Variants in HPSE2 observed in about 807,000 individuals in gnomAD.
HPSE2 encodes the protein inactive heparanase-2.
In HPSE2, 38 loss-of-function variants were observed where a neutral mutation model predicts 60.5. The observed-to-expected ratio is 0.63, with a 90% confidence interval of 0.48 to 0.82. The LOEUF (loss-of-function observed/expected upper bound fraction) is 0.82. HPSE2 is among the 40% of genes least tolerant of loss of function. The probability of loss-of-function intolerance (pLI) is 0.00; values close to 1 mark genes in which losing one functional copy is unlikely to be tolerated. For synonymous variants in HPSE2, 295 were observed against 293.2 expected (o/e 1.01, Z -0.06); for missense variants, 713 against 740.4 (o/e 0.96, Z 0.43).
intron 3 of HPSE2, among the ~76,000 whole-genome samples, chr10:99,036,339 G>A (rs1164314371): frequency 6.6e-6 from 1 of 152,152 alleles, no homozygotes; most frequent in Non-Finnish European, 1.5e-5. Context: ...GATGAGCCTG[G>A]AGCATCTTGT....
chr10:98,696,681 G>A (rs1267718914), intron 5 of HPSE2, among the ~76,000 whole-genome samples: 1 of 152,218 alleles, frequency 6.6e-6, no homozygotes, highest in Non-Finnish European at 1.5e-5. Context: ...GAGGAGGGGT[G>A]ACCAGCACCA....
At chr10:98,682,808 G>A (rs1371148900) in intron 6 of HPSE2, among the ~76,000 whole-genome samples, 1 of 152,100 alleles carries the variant, frequency 6.6e-6, no homozygotes, top group Non-Finnish European at 1.5e-5. Context: ...TTTAAAGAGT[G>A]AAAAGGGTCC....
Position 98,934,265 on chromosome 10 carries a change from C to G in HPSE2, c.611-190209G>C, listed in dbSNP as rs1022784752. On this transcript the variant is annotated intron_variant, in intron 3 of 11. Coordinates refer to ENST00000370552, the MANE Select transcript of HPSE2 (RefSeq NM_021828.5). The stretch of plus-strand genomic sequence containing the variant: ...TGTGTCTTTTAATCAGGGCATTTTG[C>G]CCATTTACATTTAAGGTTAATATTG... 9.0e-5 allele frequency among the ~76,000 whole-genome samples: 13 copies of G among 144,084 alleles called. 2 individuals are homozygous for G. Among genetic ancestry groups the G allele is most frequent in the African/African-American group, 3.7e-4 (13 of 35,420 alleles). 94.5% of individuals were successfully genotyped at this position (144,084 alleles called of 152,430 possible).
At chr10:98,505,412 T>C (rs1188954791) in intron 9 of HPSE2, among the ~76,000 whole-genome samples, 1 of 152,302 alleles carries the variant, frequency 6.6e-6, no homozygotes, top group East Asian at 1.9e-4. Context: ...AATTGCTGTG[T>C]CATATACAGG....
At chr10:98,579,588 C>A (rs111537862) in intron 9 of HPSE2, among the ~76,000 whole-genome samples, 12 of 152,270 alleles carry the variant, frequency 7.9e-5, no homozygotes, top group African/African-American at 1.4e-4. Context: ...ACTTCTCCCC[C>A]CTTCCACTTC....
chr10:99,186,153 C>CACACACACACAG (rs1848012718), intron 2 of HPSE2, among the ~76,000 whole-genome samples: 2 of 147,776 alleles, frequency 1.4e-5, no homozygotes, highest in Non-Finnish European at 3.0e-5. Flanking sequence ...CACACACACA[C>CACACACACACAG]AAGGCATATC....
At chr10:98,635,697 G>A (rs984357850) in intron 7 of HPSE2, among the ~76,000 whole-genome samples, 2 of 151,124 alleles carry the variant, frequency 1.3e-5, no homozygotes, top group Admixed American at 1.3e-4. Context: ...CAGGAGGAGC[G>A]CTTGAGCCCA....
At chr10:98,693,749 C>A in intron 6 of HPSE2, 151 bp downstream of exon 6, 1 of 721,290 alleles carries the variant, frequency 1.4e-6, no homozygotes. Context: ...ACAGTATGTG[C>A]CATAAAAACA....
intron 9 of HPSE2, among the ~76,000 whole-genome samples, chr10:98,491,732 G>A (rs964900756): frequency 6.6e-6 from 1 of 152,184 alleles, no homozygotes; most frequent in African/African-American, 2.4e-5. Context: ...CACAAAACTA[G>A]TGAATGGTAG....
rs557919064 is a variant in HPSE2 at position 98,472,481 on chromosome 10, CA to C, written c.1613+10154del. Among the ~76,000 whole-genome samples, 95 of 152,234 alleles carry C rather than the reference CA, an allele frequency of 6.2e-4. No homozygotes were observed. The East Asian group carries it at 0.013, about 21-fold the overall frequency. ...ACCAGGGGGGCCTTTTGCTCCAGGTCAAAGATGTCTGATTCTAAGTCTTGCT... is the reference window on the plus strand; with the variant it reads ...ACCAGGGGGGCCTTTTGCTCCAGGTCAAGATGTCTGATTCTAAGTCTTGCT... On this transcript the variant is annotated intron_variant, in intron 11 of 11. Coordinates refer to ENST00000370552, the MANE Select transcript of HPSE2 (RefSeq NM_021828.5).
At chr10:98,573,531 C>G (rs1371840035) in intron 9 of HPSE2, among the ~76,000 whole-genome samples, 4 of 152,180 alleles carry the variant, frequency 2.6e-5, no homozygotes, top group African/African-American at 9.6e-5. Context: ...TTGTTGTCCC[C>G]CATTCTAAAA....
At chr10:98,933,224 CCA>C (rs138130648) in intron 3 of HPSE2, among the ~76,000 whole-genome samples, 19,720 of 143,300 alleles carry the variant, frequency 0.14, 3,377 homozygotes, top group South Asian at 0.22. Flanking sequence ...ATTATTTACC[CCA>C]GAGTCATTCA....
rs898142900 is a variant in HPSE2 at position 99,165,105 on chromosome 10, A to G, written c.449-20706T>C. Among the ~76,000 whole-genome samples, 27 of 149,852 alleles carry G rather than the reference A, an allele frequency of 1.8e-4. No individual in the cohort carries two copies. In the East Asian group the frequency reaches 3.9e-3, roughly 22 times the overall value. On this transcript the variant is annotated intron_variant, in intron 2 of 11. Transcript: ENST00000370552. The stretch of plus-strand genomic sequence containing the variant: ...TCAAAAAAAAAAAAAAAAAAAAAAA[A>G]GAATTCATTTTAGCATTCTCATTTT...
chr10:99,033,373 A>G (rs1957540566), intron 3 of HPSE2, among the ~76,000 whole-genome samples: 1 of 152,170 alleles, frequency 6.6e-6, no homozygotes, highest in Non-Finnish European at 1.5e-5. Context: ...ACACTTTGCC[A>G]AAAAAGATAT....
chr10:98,774,242 T>C (rs1950297014), intron 3 of HPSE2, among the ~76,000 whole-genome samples: 1 of 151,944 alleles, frequency 6.6e-6, no homozygotes, highest in African/African-American at 2.4e-5. Flanking sequence ...AATAATTGAG[T>C]ATTAGTGCTC....
chr10:98,575,547 A>C (rs1183078608), intron 9 of HPSE2, among the ~76,000 whole-genome samples: 1 of 152,248 alleles, frequency 6.6e-6, no homozygotes, highest in African/African-American at 2.4e-5. Flanking sequence ...GCCAAGCACT[A>C]TGCTAAGCAT....
chr10:98,459,849 A>G, intron 11 of HPSE2, 110 bp from the exon 12 acceptor site: 1 of 1,019,948 alleles, frequency 9.8e-7, no homozygotes. Flanking sequence ...CACACAGCTG[A>G]CACTTATTGT....
At chr10:98,614,449 C>T (rs1945844648) in intron 9 of HPSE2, among the ~76,000 whole-genome samples, 1 of 151,998 alleles carries the variant, frequency 6.6e-6, no homozygotes, top group South Asian at 2.1e-4. Flanking sequence ...CCCGCCATCA[C>T]ACACAGCTAA....
chr10:98,495,157 G>C (rs746689949), intron 9 of HPSE2, among the ~76,000 whole-genome samples: 1 of 151,902 alleles, frequency 6.6e-6, no homozygotes, highest in Non-Finnish European at 1.5e-5. Flanking sequence ...GATGGATATA[G>C]GATTCTTTGT....
Sources: allele counts gnomAD v4.1 joint callset (sites outside exome capture counted in the v4.1 genomes callset), GRCh38; gene constraint gnomAD v4.1.1; transcripts MANE v1.5; gene names NCBI Gene and HGNC (gene_info 2026-07-23, HGNC 2026-07-21).